The following DGKB variants were observed in gnomAD, a reference collection of about 807,000 sequenced individuals.
DGKB encodes the protein diacylglycerol kinase beta, also known as 90 kDa diacylglycerol kinase.
In DGKB, 67 loss-of-function variants were observed where a neutral mutation model predicts 114.3. The ratio of observed to expected loss-of-function variants is 0.59; its 90% CI spans 0.48 to 0.72. The LOEUF (loss-of-function observed/expected upper bound fraction) is 0.72. Among genes scored for constraint, DGKB ranks in the 30% least tolerant of loss-of-function variants. The pLI, the probability that DGKB is intolerant of heterozygous loss-of-function variation, is 0.00. For synonymous variants in DGKB, 398 were observed against 323.1 expected (o/e 1.23, Z -2.49); for missense variants, 907 against 975.2 (o/e 0.93, Z 0.93).
At chr7:14,587,019 G>C (rs548045473) in intron 17 of DGKB, among the ~76,000 whole-genome samples, 1 of 152,086 alleles carries the variant, frequency 6.6e-6, no homozygotes, top group Non-Finnish European at 1.5e-5. Flanking sequence ...CAACTTTCAA[G>C]TCTTATTTAA....
intron 20 of DGKB, among the ~76,000 whole-genome samples, chr7:14,558,345 C>A (rs906749618): frequency 6.6e-6 from 1 of 151,696 alleles, no homozygotes; most frequent in South Asian, 2.1e-4. Flanking sequence ...TCTGAGGATG[C>A]CTTTCACAAT....
chr7:14,290,468 T>G (rs1003471263), intron 23 of DGKB, among the ~76,000 whole-genome samples: 2 of 152,084 alleles, frequency 1.3e-5, no homozygotes, highest in African/African-American at 2.4e-5. Context: ...TTTACAACCA[T>G]GGAGTTTTAT....
intron 5 of DGKB, among the ~76,000 whole-genome samples, chr7:14,722,896 T>A (rs556727509): frequency 6.6e-6 from 1 of 152,162 alleles, no homozygotes; most frequent in South Asian, 2.1e-4. Context: ...GCCCACTTTT[T>A]TTAAATGTTT....
intron 5 of DGKB, among the ~76,000 whole-genome samples, chr7:14,728,435 A>G (rs573664131): frequency 9.9e-5 from 15 of 152,218 alleles, no homozygotes; most frequent in Admixed American, 4.6e-4. Context: ...CAGAAGCACA[A>G]CTGGAGTCCA....
chr7:14,828,412 T>G (rs1007414479), intron 2 of DGKB, among the ~76,000 whole-genome samples: 2 of 152,126 alleles, frequency 1.3e-5, no homozygotes, highest in Non-Finnish European at 2.9e-5. Context: ...TCATACGATG[T>G]GTCTTATTGA....
At chr7:14,313,621 G>T (rs189084986) in intron 23 of DGKB, among the ~76,000 whole-genome samples, 8 of 152,288 alleles carry the variant, frequency 5.3e-5, no homozygotes, top group East Asian at 1.9e-4. Flanking sequence ...CACCTGGCTC[G>T]GAGGGTCCTA....
At chr7:14,343,895 T>C (rs1432568001) in intron 22 of DGKB, among the ~76,000 whole-genome samples, 2 of 147,942 alleles carry the variant, frequency 1.4e-5, no homozygotes, top group African/African-American at 4.9e-5. Flanking sequence ...TACTATATAT[T>C]TAACTATATA....
chr7:14,639,818 C>A (rs539656314), intron 13 of DGKB, among the ~76,000 whole-genome samples: 4 of 152,232 alleles, frequency 2.6e-5, no homozygotes, highest in Admixed American at 1.3e-4. Flanking sequence ...AAAGCCAAAT[C>A]TTGGCTTAAT....
chr7:14,323,237 A>T lies in DGKB; in HGVS notation c.2122+15278T>A, dbSNP rs145821694. Among the ~76,000 whole-genome samples, 646 of 152,338 alleles carry T rather than the reference A, an allele frequency of 4.2e-3. 3 individuals carry two copies. Among genetic ancestry groups the T allele is most frequent in the Non-Finnish European group, 6.8e-3 (462 of 68,038 alleles). On this transcript the variant is annotated intron_variant, in intron 23 of 25. Transcript: ENST00000402815. ...AATTCTACTATAAAATATAAAAACC[A>T]GAAACATTTATTCATGGTGAAAAAG...
chr7:14,581,993 G>A (rs1800001948), intron 18 of DGKB, among the ~76,000 whole-genome samples: 1 of 152,134 alleles, frequency 6.6e-6, no homozygotes, highest in Admixed American at 6.5e-5. Context: ...GATTAAAGCT[G>A]TTAGATCCTT....
At chr7:14,150,262 A>T (rs1013878161) in intron 25 of DGKB, among the ~76,000 whole-genome samples, 3 of 152,148 alleles carry the variant, frequency 2.0e-5, no homozygotes, top group African/African-American at 7.2e-5. Context: ...TTCGCATCAG[A>T]GATGAGTATT....
At chr7:14,656,822 T>C (rs1239754802) in intron 13 of DGKB, among the ~76,000 whole-genome samples, 1 of 151,448 alleles carries the variant, frequency 6.6e-6, no homozygotes, top group Non-Finnish European at 1.5e-5. Context: ...AAAAAATCCC[T>C]TTAAGTATAC....
chr7:14,704,447 C>CAA (rs774905779), intron 6 of DGKB, among the ~76,000 whole-genome samples: 1,619 of 53,382 alleles, frequency 0.03, 81 homozygotes, highest in African/African-American at 0.082. Context: ...GACTCCATCT[C>CAA]AAAAAAAAAA....
intron 23 of DGKB, among the ~76,000 whole-genome samples, chr7:14,261,226 G>GA (rs1490786911): frequency 6.7e-6 from 1 of 149,874 alleles, no homozygotes; most frequent in Non-Finnish European, 1.5e-5. Flanking sequence ...ATTACGGTGG[G>GA]AAAAATCTGT....
At chr7:14,850,216 A>T (rs995094785) in intron 1 of DGKB, among the ~76,000 whole-genome samples, 1 of 152,230 alleles carries the variant, frequency 6.6e-6, no homozygotes, top group Non-Finnish European at 1.5e-5. Context: ...GTTAGATAGT[A>T]AAGGTGGCAT....
At chr7:14,894,734 CT>C (rs1781837692) in intron 1 of DGKB, among the ~76,000 whole-genome samples, 1 of 151,500 alleles carries the variant, frequency 6.6e-6, no homozygotes, top group Admixed American at 6.6e-5. Flanking sequence ...ATTAATAGCT[CT>C]AAAACAAAAT....
chr7:14,442,752 C>G (rs556122250), intron 21 of DGKB, among the ~76,000 whole-genome samples: 1 of 152,010 alleles, frequency 6.6e-6, no homozygotes, highest in Admixed American at 6.6e-5. Context: ...TGCTATGGTG[C>G]CCAGGCTGGA....
chr7:14,784,277 C>T (rs1025086287), intron 2 of DGKB, among the ~76,000 whole-genome samples: 2 of 151,404 alleles, frequency 1.3e-5, no homozygotes, highest in Non-Finnish European at 1.5e-5. Context: ...GAACAACATA[C>T]ATTCTTATGT....
chr7:14,384,744 A>G (rs1032351992), intron 21 of DGKB, among the ~76,000 whole-genome samples: 1 of 152,184 alleles, frequency 6.6e-6, no homozygotes, highest in Non-Finnish European at 1.5e-5. Context: ...TCTGCCAGAG[A>G]CATCTGGTAA....
Sources: allele counts gnomAD v4.1 joint callset (sites outside exome capture counted in the v4.1 genomes callset), GRCh38; gene constraint gnomAD v4.1.1; transcripts MANE v1.5; gene names NCBI Gene and HGNC (gene_info 2026-07-23, HGNC 2026-07-21).